Variants in VPS13D observed in about 807,000 individuals in gnomAD.
VPS13D encodes the protein vacuolar protein sorting 13 homolog D, also known as intermembrane lipid transfer protein VPS13D.
VPS13D carries 187 observed loss-of-function variants against 461.9 expected under a neutral mutation model. The observed-to-expected ratio is 0.40, with a 90% CI of 0.36 to 0.46. The LOEUF (loss-of-function observed/expected upper bound fraction) is 0.46, where lower values mean the gene tolerates loss of function less well. Among genes scored for constraint, VPS13D ranks in the 20% least tolerant of loss-of-function variants. The pLI is 0.60. For missense variants in VPS13D, 4,711 were observed against 5,364.9 expected (o/e 0.88, Z 3.81); for synonymous variants, 1,951 against 1,986.3 (o/e 0.98, Z 0.47).
In VPS13D at chr1:12,256,343, C is replaced by T. The variant is rs1432639911; in HGVS notation, c.680C>T (p.Ala227Val). 5.6e-6 allele frequency: 9 copies of T among 1,613,380 alleles called. No individual in the cohort carries two copies. The highest frequency in any genetic ancestry group is 1.1e-5 in the South Asian group (1 of 91,040). The change falls in exon 8 of 70, where the codon GCC becomes GTC. Residue 227 changes from alanine (A) to valine (V), a missense_variant. Coordinates refer to ENST00000620676, the MANE Select transcript of VPS13D (RefSeq NM_015378.4). ...TCTTGTGACACACAGGAGGCCATGGCCAGGAGCATGGAGAGTCGCAGCCAT... is the reference window on the plus strand; with the variant it reads ...TCTTGTGACACACAGGAGGCCATGGTCAGGAGCATGGAGAGTCGCAGCCAT... Reference protein sequence around the residue: ...LPQMELQEAMARSMESRSHHY... With the variant: ...LPQMELQEAMVRSMESRSHHY...
intron 35 of VPS13D, among the ~76,000 whole-genome samples, chr1:12,326,280 CTT>C (rs141587637): frequency 1.6e-4 from 15 of 93,492 alleles, no homozygotes; most frequent in East Asian, 3.0e-4. Context: ...ATTCGAGCAC[CTT>C]TTTTTTTTTT....
intron 6 of VPS13D, among the ~76,000 whole-genome samples, chr1:12,251,598 G>A (rs1452851372): frequency 3.3e-5 from 5 of 152,152 alleles, no homozygotes; most frequent in Non-Finnish European, 7.4e-5. Context: ...GAGTAACCAC[G>A]TTTCTAAGAT....
intron 25 of VPS13D, among the ~76,000 whole-genome samples, chr1:12,302,291 T>C (rs993251192): frequency 1.3e-5 from 2 of 152,172 alleles, no homozygotes; most frequent in African/African-American, 4.8e-5. Context: ...CATACTAAAA[T>C]TTTTAGGAGG....
chr1:12,272,020 T>C (rs1337622519), intron 17 of VPS13D, among the ~76,000 whole-genome samples: 2 of 152,048 alleles, frequency 1.3e-5, no homozygotes, highest in African/African-American at 4.8e-5. Flanking sequence ...AGTGAGACCT[T>C]GTCTCTACAA....
chr1:12,284,621 C>T (rs1012416694), intron 21 of VPS13D, among the ~76,000 whole-genome samples: 11 of 152,348 alleles, frequency 7.2e-5, no homozygotes, highest in Admixed American at 2.0e-4. Context: ...CCTGGAACCC[C>T]GGCCGTGGCT....
At chr1:12,331,631 G>A (rs1451922520) in intron 37 of VPS13D, among the ~76,000 whole-genome samples, 4 of 148,608 alleles carry the variant, frequency 2.7e-5, no homozygotes, top group Admixed American at 1.4e-4. Context: ...AGAACGGTGT[G>A]AACCCAGGAG....
intron 27 of VPS13D, among the ~76,000 whole-genome samples, chr1:12,310,354 T>C (rs117116363): frequency 0.02 from 3,055 of 152,344 alleles, 129 homozygotes; most frequent in Admixed American, 0.11. Context: ...AAATAACTTT[T>C]CTTATATACC....
chr1:12,500,128 T>C (rs1646016634), intron 68 of VPS13D: 2 of 985,292 alleles, frequency 2.0e-6, no homozygotes, highest in Non-Finnish European at 2.4e-6. Flanking sequence ...CCCCAGTGCC[T>C]TGGTGACTTC....
intron 55 of VPS13D, 116 bp from the exon 56 acceptor site, chr1:12,378,312 T>C: frequency 2.1e-6 from 2 of 939,502 alleles, no homozygotes; most frequent in Non-Finnish European, 2.9e-6. Flanking sequence ...GGAAAACGTC[T>C]AAATAAACTT....
At chr1:12,357,994 A>T (rs1643901399) in intron 49 of VPS13D, among the ~76,000 whole-genome samples, 1 of 149,890 alleles carries the variant, frequency 6.7e-6, no homozygotes, top group Non-Finnish European at 1.5e-5. Flanking sequence ...ACAGAGCAAG[A>T]TTCCACCTCA....
intron 5 of VPS13D, among the ~76,000 whole-genome samples, chr1:12,246,346 C>T (rs1640550874): frequency 6.6e-6 from 1 of 152,064 alleles, no homozygotes; most frequent in Non-Finnish European, 1.5e-5. Context: ...GTCGAGTATC[C>T]CAAATCTGAA....
At position 12,362,830 on chromosome 1, in the gene VPS13D, A is replaced by G. The variant is rs1437275286; in HGVS notation, c.10252A>G (p.Arg3418Gly). 1 of 1,614,188 alleles carries G rather than the reference A, an allele frequency of 6.2e-7. No individual in the cohort carries two copies. The highest frequency in any genetic ancestry group is 2.2e-5 in the East Asian group (1 of 44,894). Reference sequence around the variant, plus strand: ...ATCTCACAAGCTTGCATTTGCACAGAGGGAATTTGCCAGGGGACAGGTGAG... The same window carrying G: ...ATCTCACAAGCTTGCATTTGCACAGGGGGAATTTGCCAGGGGACAGGTGAG... ...KSSHKLAFAQ[R>G]EFARGQGTAN... is the part of the protein sequence containing the mutation. Residue 3418 changes from arginine to glycine, a missense_variant, in exon 51 of 70, where the codon AGG (arginine) becomes GGG (glycine). Physicochemically the swap from Arg to Gly is moderately radical, Grantham distance 125 (BLOSUM62 -2). This residue lies in a region of VPS13D where 4,411 missense variants were observed against 4,937.8 expected (regional missense o/e 0.89). Coordinates refer to ENST00000620676, the MANE Select transcript of VPS13D (RefSeq NM_015378.4).
chr1:12,318,605 C>CT (rs990006465), intron 31 of VPS13D, among the ~76,000 whole-genome samples: 2 of 151,478 alleles, frequency 1.3e-5, no homozygotes, highest in Non-Finnish European at 2.9e-5. Context: ...GGGCAGTGGT[C>CT]TTTTTTTTTC....
intron 60 of VPS13D, among the ~76,000 whole-genome samples, chr1:12,387,950 G>A (rs1001868387): frequency 4.6e-5 from 7 of 152,310 alleles, no homozygotes; most frequent in South Asian, 4.1e-4. Context: ...GCAGACCCAT[G>A]CTACAAAAAA....
chr1:12,438,439 C>T (rs866311478), intron 65 of VPS13D, among the ~76,000 whole-genome samples: 50 of 152,330 alleles, frequency 3.3e-4, no homozygotes, highest in African/African-American at 1.1e-3. Flanking sequence ...AAACAAATTT[C>T]TGCTGTTTGT....
chr1:12,354,843 G>A (rs1643872533), intron 47 of VPS13D, among the ~76,000 whole-genome samples: 1 of 152,146 alleles, frequency 6.6e-6, no homozygotes, highest in Non-Finnish European at 1.5e-5. Flanking sequence ...GAAGAAATGG[G>A]GGTTTGGAAT....
At position 12,276,664 on chromosome 1, in the gene VPS13D, T is replaced by G. The variant is rs1157794436; in HGVS notation, c.3076T>G (p.Leu1026Val). ...FDLLMASHKNLSFDIPTGSLR... is the reference protein window; with the variant it reads ...FDLLMASHKNVSFDIPTGSLR... ...CCTTTTGATGGCTTCACATAAGAAC[T>G]TGAGCTTTGATATTCCAACGGGAAG... The change falls in exon 19 of 70, where the codon TTG becomes GTG. Residue 1026 changes from leucine (L) to valine (V), a missense_variant. Physicochemically the swap from Leu to Val is conservative, Grantham distance 32. Coordinates refer to ENST00000620676, the MANE Select transcript of VPS13D (RefSeq NM_015378.4). The surrounding 1 kb of genome is among the most constrained non-coding windows in gnomAD (Gnocchi z 4.5). 1.9e-6 allele frequency: 3 copies of G among 1,614,038 alleles called. No individual in the cohort carries two copies. Among genetic ancestry groups the G allele is most frequent in the Non-Finnish European group, 2.5e-6 (3 of 1,180,036 alleles).
At chr1:12,256,534 T>G in intron 8 of VPS13D, 31 bp downstream of exon 8, 2 of 1,608,962 alleles carry the variant, frequency 1.2e-6, no homozygotes, top group Non-Finnish European at 1.7e-6. Flanking sequence ...GGCATCTACT[T>G]ACTGTCAAAC....
At chr1:12,325,494 G>A (rs994087894) in intron 35 of VPS13D, among the ~76,000 whole-genome samples, 1 of 151,974 alleles carries the variant, frequency 6.6e-6, no homozygotes, top group Non-Finnish European at 1.5e-5. Context: ...TCCTGACCTC[G>A]TGATCCACCT....
Sources: gnomAD v4.1 joint callset for allele counts (sites outside exome capture counted in the v4.1 genomes callset) on GRCh38, gnomAD v4.1.1 for gene constraint, gnomAD v4.1.1 regional missense constraint, Gnocchi (gnomAD v3.1) non-coding constraint, MANE v1.5 for transcripts, NCBI Gene and HGNC (gene_info 2026-07-23, HGNC 2026-07-21) for gene names.